KAT2B: variants seen among roughly 807,000 people sequenced by gnomAD.
KAT2B encodes the protein histone acetyltransferase KAT2B.
KAT2B carries 36 observed loss-of-function variants against 105.9 expected under a neutral mutation model. The ratio of observed to expected loss-of-function variants is 0.34; its 90% CI spans 0.26 to 0.45. The LOEUF (loss-of-function observed/expected upper bound fraction) is 0.45, where lower values mean the gene tolerates loss of function less well. KAT2B is among the 20% of genes least tolerant of loss of function. The probability of loss-of-function intolerance (pLI) is 1.00; values close to 1 mark genes in which losing one functional copy is unlikely to be tolerated. For missense variants in KAT2B, 820 were observed against 1,021.6 expected, an observed-to-expected ratio of 0.80 and a Z score of 2.69; for synonymous variants, 397 against 377.9, an observed-to-expected ratio of 1.05 and a Z score of -0.59.
At chr3:20,109,048 A>G (rs570626484) in intron 5 of KAT2B, among the ~76,000 whole-genome samples, 1 of 152,148 alleles carries the variant, frequency 6.6e-6, no homozygotes, top group Non-Finnish European at 1.5e-5. Context: ...TCTACCATCT[A>G]GGTTTGTGTA....
intron 1 of KAT2B, among the ~76,000 whole-genome samples, chr3:20,052,710 G>A (rs1043752785): frequency 9.2e-5 from 14 of 152,010 alleles, no homozygotes; most frequent in African/African-American, 3.4e-4. Context: ...GCTCATGCCT[G>A]TAATCCCAGC....
chr3:20,105,981 A>C (rs1032654828), intron 5 of KAT2B, among the ~76,000 whole-genome samples: 1 of 152,194 alleles, frequency 6.6e-6, no homozygotes, highest in African/African-American at 2.4e-5. Context: ...ATCAGGAAGC[A>C]TGGAAAGAAC....
At chr3:20,087,934 C>G (rs1490393363) in intron 2 of KAT2B, among the ~76,000 whole-genome samples, 13 of 141,124 alleles carry the variant, frequency 9.2e-5, no homozygotes, top group Admixed American at 9.1e-4. Context: ...GCCACCATAC[C>G]TAGCTAATTA....
intron 13 of KAT2B, among the ~76,000 whole-genome samples, chr3:20,140,999 C>T (rs1699686610): frequency 6.6e-6 from 1 of 152,162 alleles, no homozygotes; most frequent in African/African-American, 2.4e-5. Context: ...ACTTTCATCT[C>T]CAAATACTCC....
intron 6 of KAT2B, among the ~76,000 whole-genome samples, chr3:20,114,085 T>TC (rs1377256783): frequency 6.6e-6 from 1 of 152,190 alleles, no homozygotes; most frequent in Non-Finnish European, 1.5e-5. Flanking sequence ...TCTCTTTTTT[T>TC]CTCTTTTAAT....
At chr3:20,100,079 G>A in intron 4 of KAT2B, 125 bp downstream of exon 4, 2 of 601,540 alleles carry the variant, frequency 3.3e-6, no homozygotes, top group Non-Finnish European at 3.0e-6. Context: ...TTACCAGTCT[G>A]TGGAAATTGT....
Position 20,131,266 on chromosome 3 carries a change from C to T in KAT2B, c.1749+3717C>T, listed in dbSNP as rs552397432. 4.6e-5 allele frequency among the ~76,000 whole-genome samples: 7 copies of T among 152,026 alleles called. No individual in the cohort carries two copies. The South Asian group carries it at 6.2e-4, about 14-fold the overall frequency. On this transcript the variant is annotated intron_variant, in intron 11 of 17. Transcript: ENST00000263754. ...CCTGACCTCAGGTGATCGCCTGCTT[C>T]GGCCTCCCAAAGTGCTGGGATTACA...
chr3:20,042,777 T>A (rs548019135), intron 1 of KAT2B, among the ~76,000 whole-genome samples: 1 of 152,360 alleles, frequency 6.6e-6, no homozygotes, highest in East Asian at 1.9e-4. Flanking sequence ...ATATGTGGCC[T>A]GCATTGATAT....
chr3:20,143,984 A>G lies in KAT2B; in HGVS notation c.2005-2332A>G, dbSNP rs142040690. ...CATTAGAAGCCCAAACCTCAGCATC[A>G]CACAGTATACCCATAATACCCCCTG... On this transcript the variant is annotated intron_variant, in intron 13 of 17. Coordinates refer to ENST00000263754, the MANE Select transcript of KAT2B (RefSeq NM_003884.5). Among the ~76,000 whole-genome samples the G allele has an allele frequency of 5.3e-5, 8 of 152,294 alleles. No individual in the cohort carries two copies. In the East Asian group the frequency reaches 1.5e-3, roughly 29 times the overall value.
intron 2 of KAT2B, among the ~76,000 whole-genome samples, chr3:20,093,280 T>C (rs1426097510): frequency 6.6e-6 from 1 of 152,196 alleles, no homozygotes; most frequent in Non-Finnish European, 1.5e-5. Flanking sequence ...CAATTGGTAC[T>C]CAATTCTGTG....
At chr3:20,072,609 C>A in intron 2 of KAT2B, 150 bp downstream of exon 2, 1 of 723,104 alleles carries the variant, frequency 1.4e-6, no homozygotes, top group Non-Finnish European at 2.3e-6. Context: ...CACGAGTTTG[C>A]TGGGAAGGGC....
chr3:20,152,402 A>G lies in KAT2B; in HGVS notation c.2376A>G (p.Leu792=), dbSNP rs1394688141. The change falls in exon 18 of 18, where the codon TTA becomes TTG. Residue 792 remains leucine (L), a synonymous_variant. Coordinates refer to ENST00000263754, the MANE Select transcript of KAT2B (RefSeq NM_003884.5). ...CTAAGAAATTATTCATGGCAGACTT[A>G]CAGCGAGTCTTTACCAATTGCAAAG... ...YVSKKLFMAD[L]QRVFTNCKEY... is the part of the protein sequence containing the mutation. The G allele has an allele frequency of 6.2e-7, 1 of 1,613,540 alleles. No individual in the cohort carries two copies.
At chr3:20,108,939 C>A (rs1447114347) in intron 5 of KAT2B, among the ~76,000 whole-genome samples, 1 of 152,138 alleles carries the variant, frequency 6.6e-6, no homozygotes, top group Non-Finnish European at 1.5e-5. Flanking sequence ...CCCTTCTACC[C>A]CCAGCCATGG....
At chr3:20,062,473 T>TAG (rs1698154979) in intron 1 of KAT2B, among the ~76,000 whole-genome samples, 1 of 137,640 alleles carries the variant, frequency 7.3e-6, no homozygotes, top group Non-Finnish European at 1.5e-5. Flanking sequence ...TTTATATATA[T>TAG]ATATATTAGA....
intron 1 of KAT2B, among the ~76,000 whole-genome samples, chr3:20,047,220 C>T (rs540467439): frequency 4.6e-5 from 7 of 151,644 alleles, no homozygotes; most frequent in African/African-American, 1.2e-4. Context: ...TCACCATGGC[C>T]GGCTAATTTT....
intron 7 of KAT2B, 107 bp from the exon 8 acceptor site, chr3:20,119,491 T>C (rs1010529402): frequency 1.8e-6 from 2 of 1,125,708 alleles, no homozygotes; most frequent in Non-Finnish European, 2.6e-6. Flanking sequence ...AGATGACTTA[T>C]TTTGTGGCAT....
intron 1 of KAT2B, among the ~76,000 whole-genome samples, chr3:20,047,440 G>T (rs988958189): frequency 6.6e-6 from 1 of 151,996 alleles, no homozygotes; most frequent in Non-Finnish European, 1.5e-5. Flanking sequence ...CGTGAATCAT[G>T]GGCATATATT....
intron 11 of KAT2B, among the ~76,000 whole-genome samples, chr3:20,134,366 G>A (rs773965499): frequency 5.9e-5 from 9 of 151,950 alleles, no homozygotes; most frequent in Non-Finnish European, 1.3e-4. Context: ...CTTGATTATG[G>A]TCTTTTTCAC....
At chr3:20,135,756 T>G (rs1699589438) in intron 11 of KAT2B, among the ~76,000 whole-genome samples, 1 of 152,134 alleles carries the variant, frequency 6.6e-6, no homozygotes, top group Non-Finnish European at 1.5e-5. Context: ...GGCTTGGGAC[T>G]GGGAAAGTAC....
Sources: allele counts gnomAD v4.1 joint callset (sites outside exome capture counted in the v4.1 genomes callset), GRCh38; gene constraint gnomAD v4.1.1; transcripts MANE v1.5; gene names NCBI Gene and HGNC (gene_info 2026-07-23, HGNC 2026-07-21).